EIF1AX: variants seen among roughly 807,000 people sequenced by gnomAD.
EIF1AX encodes the protein eukaryotic translation initiation factor 1A X-linked, also known as eukaryotic translation initiation factor 1A, X-chromosomal.
EIF1AX carries 1 observed loss-of-function variant against 16.1 expected under a neutral mutation model. That is an observed-to-expected ratio of 0.06 (90% CI 0.02 to 0.30). The LOEUF (loss-of-function observed/expected upper bound fraction) is 0.30. Among genes scored for constraint, EIF1AX ranks in the 10% least tolerant of loss-of-function variants. EIF1AX has a pLI of 1.00. For missense variants in EIF1AX, 11 were observed against 109.1 expected (o/e 0.10, Z 4.00); for synonymous variants, 32 against 37.3 (o/e 0.86, Z 0.51).
rs185380787 is a variant in EIF1AX, at chrX:20,130,724, A to G, written c.338-117T>C. On this transcript the variant is annotated intron_variant, in intron 5 of 6. Coordinates refer to ENST00000379607, the MANE Select transcript of EIF1AX (RefSeq NM_001412.4). ...TATAAAGAATATTTTATGAAAAAAA[A>G]TTCCTGCAGTGTCACTGCTAAGTCA... 1.4e-4 allele frequency: 100 copies of G among 700,989 alleles called. No homozygotes were observed. In the Middle Eastern group the frequency reaches 2.9e-3, roughly 21 times the overall value. The allele number at this position is 700,989 out of a possible 1,213,427, so 57.8% of individuals were successfully genotyped here.
chrX:20,135,702 C>T (rs760524182), intron 3 of EIF1AX, 36 bp downstream of exon 3: 4 of 1,059,779 alleles, frequency 3.8e-6, no homozygotes, highest in Non-Finnish European at 2.6e-6. Context: ...TCCCCCTTAA[C>T]CAATTTTATA....
intron 6 of EIF1AX, 67 bp from the exon 7 acceptor site, chrX:20,128,378 T>C (rs957603927): frequency 6.7e-5 from 66 of 979,814 alleles, no homozygotes; most frequent in Non-Finnish European, 8.8e-5. Flanking sequence ...CTACTCCATA[T>C]ATAAGGGAGA....
In EIF1AX at chrX:20,124,859, T is replaced by C. The variant is rs948281147; in HGVS notation, c.*3447A>G. 7 of 147,632 alleles carry C rather than the reference T, an allele frequency of 4.7e-5. No individual in the cohort carries two copies. The East Asian group carries it at 6.4e-4, about 13-fold the overall frequency. 12.2% of individuals were successfully genotyped at this position (147,632 alleles called of 1,213,427 possible). A position where few individuals can be genotyped will look rare whatever the true frequency, so the allele number is the denominator to read the frequency against. ...CTATGTTGACATGAATGTACAAATA[T>C]ACATTCTACGTGTTCCTTCTATTGT... On this transcript the variant is annotated 3_prime_UTR_variant, in exon 7 of 7. Transcript: ENST00000379607.
Position 20,138,558 on chromosome X carries a change from T to C in EIF1AX, c.81A>G (p.Val27=). 1.7e-6 allele frequency: 2 copies of C among 1,201,413 alleles called. No individual in the cohort carries two copies. Among genetic ancestry groups the C allele is most frequent in the East Asian group, 3.0e-5 (1 of 33,779 alleles). The change falls in exon 2 of 7, where the codon GTA becomes GTG. Residue 27 remains valine, a synonymous_variant. Transcript: ENST00000379607. ...NENESEKREL[V]FKEDGQEYAQ... is the part of the protein sequence containing the mutation. Reference sequence around the variant, plus strand: ...ACTTACCCTGACCATCCTCTTTGAATACCAGTTCTCTTTTTTCAGATTCAT... The same window carrying C: ...ACTTACCCTGACCATCCTCTTTGAACACCAGTTCTCTTTTTTCAGATTCAT...
At chrX:20,138,316 A>T (rs755867671) in intron 2 of EIF1AX, among the ~76,000 whole-genome samples, 47 of 110,109 alleles carry the variant, frequency 4.3e-4, no homozygotes, top group African/African-American at 1.4e-3. Context: ...AAAAATTTTT[A>T]AAATTAGCCA....
At chrX:20,141,483 T>A in intron 1 of EIF1AX, 142 bp downstream of exon 1, 1 of 694,015 alleles carries the variant, frequency 1.4e-6, no homozygotes, top group South Asian at 3.1e-5. Context: ...GAGCTCAGAG[T>A]CGCGTGTGGG....
chrX:20,139,441 A>G (rs1478655545), intron 1 of EIF1AX, among the ~76,000 whole-genome samples: 1 of 111,748 alleles, frequency 8.9e-6, no homozygotes, highest in Non-Finnish European at 1.9e-5. Context: ...AGAGAAGTTA[A>G]GTAAGTCGCT....
intron 3 of EIF1AX, among the ~76,000 whole-genome samples, chrX:20,134,742 A>C (rs2067010958): frequency 8.9e-6 from 1 of 111,894 alleles, no homozygotes; most frequent in South Asian, 3.7e-4. Flanking sequence ...TGTCTCAAAA[A>C]AAAAAGAAAG....
chrX:20,137,175 T>C (rs1285259416), intron 2 of EIF1AX, among the ~76,000 whole-genome samples: 3 of 112,107 alleles, frequency 2.7e-5, no homozygotes, highest in Non-Finnish European at 5.6e-5. Context: ...CTAGGTGCGG[T>C]GGCTCACGCC....
chrX:20,129,013 A>G (rs1325014381), intron 6 of EIF1AX, among the ~76,000 whole-genome samples: 1 of 109,817 alleles, frequency 9.1e-6, no homozygotes, highest in Non-Finnish European at 1.9e-5. Context: ...TCCACATGTC[A>G]GCTGCAAGCT....
Position 20,124,689 on chromosome X carries a change from TCA to T in EIF1AX, c.*3615_*3616del, listed in dbSNP as rs2066979144. On this transcript the variant is annotated 3_prime_UTR_variant, in exon 7 of 7. Transcript: ENST00000379607. ...CTGAAGATTTAAGAATAAAATATTA[TCA>T]GAGGTATCAATATTAATAACTATAA... 7.0e-6 allele frequency: 1 copy of T among 141,851 alleles called. No individual in the cohort carries two copies. The highest frequency in any genetic ancestry group is 1.4e-5 in the Non-Finnish European group (1 of 71,012). The allele number at this position is 141,851 out of a possible 1,213,427, so 11.7% of individuals were successfully genotyped here.
chrX:20,141,762 G>A lies in EIF1AX; in HGVS notation c.-122C>T, dbSNP rs893518936. 6.3e-5 allele frequency: 45 copies of A among 718,684 alleles called. No individual in the cohort carries two copies. The highest frequency in any genetic ancestry group is 8.0e-5 in the Non-Finnish European group (41 of 510,808). 59.2% of individuals were successfully genotyped at this position (718,684 alleles called of 1,213,427 possible). On this transcript the variant is annotated 5_prime_UTR_variant, in exon 1 of 7. Transcript: ENST00000379607. ...GGACCAAGTAGGTGCTGGAGGCCAGGCAACGTGCGCGGGAGAGGCTGGCGA... is the reference window on the plus strand; with the variant it reads ...GGACCAAGTAGGTGCTGGAGGCCAGACAACGTGCGCGGGAGAGGCTGGCGA...
chrX:20,137,885 C>T (rs1039443154), intron 2 of EIF1AX, among the ~76,000 whole-genome samples: 1 of 109,624 alleles, frequency 9.1e-6, no homozygotes, highest in African/African-American at 3.3e-5. Flanking sequence ...CTGAACTATA[C>T]GACACATTCT....
intron 6 of EIF1AX, among the ~76,000 whole-genome samples, chrX:20,129,524 T>C (rs1006233778): frequency 8.9e-6 from 1 of 112,682 alleles, no homozygotes; most frequent in African/African-American, 3.2e-5. Flanking sequence ...CCCTAATCAC[T>C]AAATAAATTT....
At chrX:20,134,751 A>G (rs907099283) in intron 3 of EIF1AX, among the ~76,000 whole-genome samples, 1 of 111,808 alleles carries the variant, frequency 8.9e-6, no homozygotes, top group Non-Finnish European at 1.9e-5. Flanking sequence ...AAAAAAAGAA[A>G]GAAAAAGAAA....
chrX:20,133,511 GTTT>G (rs61391912), intron 4 of EIF1AX, among the ~76,000 whole-genome samples: 2,537 of 101,835 alleles, frequency 0.025, 79 homozygotes, highest in African/African-American at 0.084. Flanking sequence ...TTTATTCTGG[GTTT>G]TTTTTTTTTT....
intron 5 of EIF1AX, among the ~76,000 whole-genome samples, chrX:20,130,823 TA>T (rs1266333776): frequency 8.9e-6 from 1 of 112,179 alleles, no homozygotes; most frequent in Non-Finnish European, 1.9e-5. Flanking sequence ...CTAATTACAC[TA>T]ATTCTGAAGC....
Position 20,124,699 on chromosome X carries a change from CAATATT to C in EIF1AX, c.*3601_*3606del, listed in dbSNP as rs911506403. ...AAGAATAAAATATTATCAGAGGTAT[CAATATT>C]AATAACTATAATCTTTTTCTAAAGA... On this transcript the variant is annotated 3_prime_UTR_variant, in exon 7 of 7. Coordinates refer to ENST00000379607, the MANE Select transcript of EIF1AX (RefSeq NM_001412.4). 19 of 140,553 alleles carry C rather than the reference CAATATT, an allele frequency of 1.4e-4. No homozygotes were observed. The Admixed American group carries it at 1.6e-3, about 12-fold the overall frequency. The allele number at this position is 140,553 out of a possible 1,213,427, so 11.6% of individuals were successfully genotyped here.
Position 20,130,619 on chromosome X carries a change from G to T in EIF1AX, c.338-12C>A. 8.4e-7 allele frequency: 1 copy of T among 1,185,330 alleles called. No homozygotes were observed. The highest frequency in any genetic ancestry group is 1.1e-6 in the Non-Finnish European group (1 of 883,303). On this transcript the variant is annotated splice_polypyrimidine_tract_variant and intron_variant, in intron 5 of 6. Transcript: ENST00000379607. ...TTCATTGATTTTAGCTAAGGACACA[G>T]TAAGAAATACTCATAAGTCAGCACT...
Sources: allele counts gnomAD v4.1 joint callset (sites outside exome capture counted in the v4.1 genomes callset), GRCh38; gene constraint gnomAD v4.1.1; transcripts MANE v1.5; gene names NCBI Gene and HGNC (gene_info 2026-07-23, HGNC 2026-07-21).